The following FOXN2 variants were observed in gnomAD, a reference collection of about 807,000 sequenced individuals.
The protein encoded by FOXN2 is forkhead box protein N2.
In FOXN2, 19 loss-of-function variants were observed where a neutral mutation model predicts 41.2. That is an observed-to-expected ratio of 0.46 (90% CI 0.32 to 0.68). The LOEUF (loss-of-function observed/expected upper bound fraction) is 0.68. FOXN2 is among the 30% of genes least tolerant of loss of function. FOXN2 has a pLI of 0.03. For missense variants in FOXN2, 587 were observed against 509.4 expected, an observed-to-expected ratio of 1.15 and a Z score of -1.47; for synonymous variants, 195 against 176.8, an observed-to-expected ratio of 1.10 and a Z score of -0.82.
chr2:48,345,441 A>G (rs1367569186), intron 2 of FOXN2, among the ~76,000 whole-genome samples: 1 of 152,088 alleles, frequency 6.6e-6, no homozygotes. Context: ...TAGCATGATG[A>G]CTGTAGTTAA....
intron 5 of FOXN2, among the ~76,000 whole-genome samples, chr2:48,365,851 A>T (rs1031775505): frequency 6.6e-6 from 1 of 152,198 alleles, no homozygotes; most frequent in Non-Finnish European, 1.5e-5. Flanking sequence ...AATTTAGGGA[A>T]TTTTATTTTT....
intron 1 of FOXN2, among the ~76,000 whole-genome samples, chr2:48,325,242 T>TTTCAG (rs1451060709): frequency 6.6e-6 from 1 of 152,186 alleles, no homozygotes; most frequent in African/African-American, 2.4e-5. Flanking sequence ...TCTCTATGTG[T>TTTCAG]GTTTCTGCAT....
At chr2:48,367,764 A>AT (rs1479211694) in intron 5 of FOXN2, among the ~76,000 whole-genome samples, 1 of 152,216 alleles carries the variant, frequency 6.6e-6, no homozygotes, top group African/African-American at 2.4e-5. Context: ...GTTTTTAATT[A>AT]TTTTTAATCA....
At chr2:48,349,448 A>G (rs1483294995) in intron 3 of FOXN2, among the ~76,000 whole-genome samples, 3 of 152,174 alleles carry the variant, frequency 2.0e-5, no homozygotes, top group Non-Finnish European at 4.4e-5. Context: ...AGTGCACTCC[A>G]GTCTGGATGA....
At position 48,360,015 on chromosome 2, in the gene FOXN2, A is replaced by G. The variant is rs138675642; in HGVS notation, c.638+868A>G. Among the ~76,000 whole-genome samples the G allele has an allele frequency of 3.3e-5, 5 of 152,244 alleles. No homozygotes were observed. In the East Asian group the frequency reaches 9.6e-4, roughly 29 times the overall value. ...TCTAAAATTTTTAAATGTTTGGCAAATAAAATAATGCTTTGAACTTTGTTT... is the reference window on the plus strand; with the variant it reads ...TCTAAAATTTTTAAATGTTTGGCAAGTAAAATAATGCTTTGAACTTTGTTT... On this transcript the variant is annotated intron_variant, in intron 4 of 6. Coordinates refer to ENST00000340553, the MANE Select transcript of FOXN2 (RefSeq NM_002158.4).
Position 48,362,640 on chromosome 2 carries a change from C to G in FOXN2, c.639-3C>G. ...CATATTTGCTTTTCTGTTTGTTTTT[C>G]AGTGGTTCTTTATCACCTCACTATT... is the stretch of plus-strand genomic sequence containing the variant. On this transcript the variant is annotated splice_polypyrimidine_tract_variant and splice_region_variant and intron_variant, in intron 4 of 6. Transcript: ENST00000340553. The G allele has an allele frequency of 6.2e-7, 1 of 1,612,720 alleles. No homozygotes were observed. The highest frequency in any genetic ancestry group is 8.5e-7 in the Non-Finnish European group (1 of 1,179,282).
intron 5 of FOXN2, among the ~76,000 whole-genome samples, chr2:48,370,434 C>G (rs556388755): frequency 1.3e-5 from 2 of 152,310 alleles, no homozygotes; most frequent in East Asian, 3.9e-4. Flanking sequence ...TCTTTTCCCT[C>G]AGATATCATT....
intron 1 of FOXN2, among the ~76,000 whole-genome samples, chr2:48,328,312 A>G (rs766334310): frequency 6.6e-6 from 1 of 152,218 alleles, no homozygotes; most frequent in Non-Finnish European, 1.5e-5. Flanking sequence ...TCCTGAAGAT[A>G]CCAAAATCCA....
At chr2:48,354,268 G>C (rs1417046321) in intron 3 of FOXN2, among the ~76,000 whole-genome samples, 2 of 152,170 alleles carry the variant, frequency 1.3e-5, no homozygotes, top group South Asian at 2.1e-4. Flanking sequence ...AAGTTGTTGA[G>C]AAAGTAGCAG....
chr2:48,313,697 G>A (rs762303984), upstream of FOXN2, among the ~76,000 whole-genome samples: 4 of 152,092 alleles, frequency 2.6e-5, no homozygotes, highest in African/African-American at 9.7e-5. Context: ...TACCTTTGAC[G>A]GGTCATTTTT....
At chr2:48,327,362 T>G (rs1197901289) in intron 1 of FOXN2, among the ~76,000 whole-genome samples, 1 of 152,148 alleles carries the variant, frequency 6.6e-6, no homozygotes, top group Non-Finnish European at 1.5e-5. Context: ...TTGATATGGC[T>G]TATTAGAATT....
At chr2:48,318,144 G>C (rs1180926523) in intron 1 of FOXN2, among the ~76,000 whole-genome samples, 1 of 152,084 alleles carries the variant, frequency 6.6e-6, no homozygotes, top group Non-Finnish European at 1.5e-5. Flanking sequence ...ACCTCACCCA[G>C]TTTCTCCTGT....
chr2:48,357,685 G>A (rs887647491), intron 3 of FOXN2, among the ~76,000 whole-genome samples: 3 of 151,470 alleles, frequency 2.0e-5, no homozygotes, highest in African/African-American at 7.3e-5. Context: ...AATCACCTTC[G>A]CCGGCTTCCC....
At chr2:48,334,766 T>C (rs890256709) in intron 2 of FOXN2, among the ~76,000 whole-genome samples, 1 of 152,160 alleles carries the variant, frequency 6.6e-6, no homozygotes, top group African/African-American at 2.4e-5. Context: ...TAGCAGGAAA[T>C]AGTCTTCCTC....
At chr2:48,366,661 C>T (rs1672555499) in intron 5 of FOXN2, among the ~76,000 whole-genome samples, 1 of 152,072 alleles carries the variant, frequency 6.6e-6, no homozygotes, top group Non-Finnish European at 1.5e-5. Flanking sequence ...GCTTTGCATG[C>T]ATTATCTAAT....
intron 2 of FOXN2, among the ~76,000 whole-genome samples, chr2:48,332,326 A>T (rs1215685349): frequency 1.3e-5 from 2 of 152,238 alleles, no homozygotes; most frequent in Non-Finnish European, 2.9e-5. Context: ...TAATAACAAA[A>T]TATTAAAAGT....
At chr2:48,327,230 GAAAA>G (rs1236821375) in intron 1 of FOXN2, among the ~76,000 whole-genome samples, 1 of 150,732 alleles carries the variant, frequency 6.6e-6, no homozygotes, top group South Asian at 2.1e-4. Flanking sequence ...TCTCCAAAAA[GAAAA>G]AAAACAGTCA....
rs1423583740 is a variant in FOXN2, at chr2:48,376,771, A to G, written c.*1328A>G. ...ATAGGATGCTAAACTAATTCATTGT[A>G]TCTTTTTTTTACAATGGTGGAAGCA... On this transcript the variant is annotated 3_prime_UTR_variant, in exon 7 of 7. Coordinates refer to ENST00000340553, the MANE Select transcript of FOXN2 (RefSeq NM_002158.4). 6.6e-6 allele frequency: 1 copy of G among 152,420 alleles called. No individual in the cohort carries two copies. The allele number at this position is 152,420 out of a possible 1,614,324, so 9.4% of individuals were successfully genotyped here.
chr2:48,343,163 C>T (rs575123712), intron 2 of FOXN2, among the ~76,000 whole-genome samples: 17 of 152,258 alleles, frequency 1.1e-4, no homozygotes, highest in Admixed American at 7.2e-4. Context: ...AACTTAGCCT[C>T]GTTTATAATT....
Sources: gnomAD v4.1 joint callset for allele counts (sites outside exome capture counted in the v4.1 genomes callset) on GRCh38, gnomAD v4.1.1 for gene constraint, MANE v1.5 for transcripts, NCBI Gene and HGNC (gene_info 2026-07-23, HGNC 2026-07-21) for gene names.